Variants in GSAP observed in about 807,000 individuals in gnomAD.
The protein encoded by GSAP is gamma-secretase activating protein, also known as gamma-secretase-activating protein.
Under a neutral mutation model 131.7 loss-of-function variants are expected in GSAP, and 118 were observed. The observed-to-expected ratio is 0.90, with a 90% CI of 0.77 to 1.04. The LOEUF is 1.04. Ranked by LOEUF, GSAP falls within the 50% of genes least tolerant of loss-of-function variation. GSAP has a pLI of 0.00. For synonymous variants in GSAP, 381 were observed against 363.4 expected (o/e 1.05, Z -0.55); for missense variants, 1,019 against 1,013.2 (o/e 1.01, Z -0.08).
chr7:77,333,486 G>A (rs1312048380), intron 19 of GSAP, among the ~76,000 whole-genome samples: 2 of 152,118 alleles, frequency 1.3e-5, no homozygotes, highest in South Asian at 2.1e-4. Context: ...TTGGCTTGGG[G>A]TATGCCTGAG....
chr7:77,366,179 T>C (rs1005214358), intron 12 of GSAP, among the ~76,000 whole-genome samples: 1 of 152,174 alleles, frequency 6.6e-6, no homozygotes, highest in Non-Finnish European at 1.5e-5. Context: ...CTCCCAATTC[T>C]GTAGGTCGTT....
intron 5 of GSAP, among the ~76,000 whole-genome samples, chr7:77,389,306 T>G (rs1008887215): frequency 1.1e-4 from 16 of 149,696 alleles, no homozygotes; most frequent in Admixed American, 2.6e-4. Flanking sequence ...TATATATATT[T>G]TTTGTTTGTT....
At chr7:77,386,843 G>A (rs1229138477) in intron 6 of GSAP, among the ~76,000 whole-genome samples, 1 of 152,174 alleles carries the variant, frequency 6.6e-6, no homozygotes, top group Non-Finnish European at 1.5e-5. Flanking sequence ...TCACCACTCA[G>A]CATGTATCTG....
chr7:77,401,253 C>T (rs905763512), intron 3 of GSAP, among the ~76,000 whole-genome samples: 7 of 151,732 alleles, frequency 4.6e-5, no homozygotes, highest in Admixed American at 2.0e-4. Flanking sequence ...CGGAGTAAAC[C>T]CCAAACAGGC....
chr7:77,352,299 T>A (rs1399661464), intron 18 of GSAP, among the ~76,000 whole-genome samples: 1 of 152,254 alleles, frequency 6.6e-6, no homozygotes, highest in Non-Finnish European at 1.5e-5. Flanking sequence ...AATATCTAAA[T>A]AAGAAACATG....
intron 26 of GSAP, among the ~76,000 whole-genome samples, chr7:77,317,087 T>C (rs1004035336): frequency 1.3e-5 from 2 of 151,986 alleles, no homozygotes; most frequent in African/African-American, 4.8e-5. Flanking sequence ...AGCATGCACA[T>C]GCACACACAC....
chr7:77,412,659 G>T (rs1803481599), intron 1 of GSAP, among the ~76,000 whole-genome samples: 1 of 150,488 alleles, frequency 6.6e-6, no homozygotes, highest in Non-Finnish European at 1.5e-5. Context: ...AAAAAAATAG[G>T]AAAGTGGACA....
chr7:77,415,965 G>T, intron 1 of GSAP: 1 of 390,724 alleles, frequency 2.6e-6, no homozygotes, highest in Non-Finnish European at 4.6e-6. Context: ...AATTTCCGCG[G>T]GCCGGCAGCG....
intron 23 of GSAP, among the ~76,000 whole-genome samples, chr7:77,324,797 T>C (rs1377769109): frequency 6.6e-6 from 1 of 151,606 alleles, no homozygotes; most frequent in East Asian, 1.9e-4. Flanking sequence ...TAATGTTGCA[T>C]GTTTGTCGTG....
intron 1 of GSAP, among the ~76,000 whole-genome samples, chr7:77,409,966 C>T (rs1193579239): frequency 6.6e-6 from 1 of 152,078 alleles, no homozygotes; most frequent in African/African-American, 2.4e-5. Context: ...CAAGCCATAC[C>T]CAGGATATTC....
intron 19 of GSAP, chr7:77,330,881 T>C (rs1046874542): frequency 1.9e-5 from 19 of 977,974 alleles, no homozygotes; most frequent in African/African-American, 5.3e-5. Flanking sequence ...ATGAACTAAT[T>C]TTACATTGTC....
At chr7:77,328,176 C>A in intron 22 of GSAP, 3 of 987,966 alleles carry the variant, frequency 3.0e-6, no homozygotes, top group Non-Finnish European at 3.6e-6. Flanking sequence ...CTGGAAGCTC[C>A]TCATCTTTAT....
Position 77,314,467 on chromosome 7 carries a change from G to T in GSAP, c.2112C>A (p.Ile704=). ...GCAAAGGGAGACACTGGACCCCGAG[G>T]ATGGTGTGCAGAGTATGAAAACCTA... is the stretch of plus-strand genomic sequence containing the variant. ...LPPGFHTLHT[I]LGVQCLPLHN... The change falls in exon 27 of 31, where the codon ATC becomes ATA. Residue 704 remains isoleucine (I), a synonymous_variant. Transcript: ENST00000257626. 6.2e-7 allele frequency: 1 copy of T among 1,613,790 alleles called. No individual in the cohort carries two copies. The highest frequency in any genetic ancestry group is 8.5e-7 in the Non-Finnish European group (1 of 1,179,768).
intron 12 of GSAP, among the ~76,000 whole-genome samples, chr7:77,372,751 C>G (rs1033087223): frequency 3.3e-5 from 5 of 152,150 alleles, no homozygotes. Context: ...CAAAAAATAC[C>G]CTTCAATGAC....
chr7:77,379,231 T>C (rs559487905), intron 8 of GSAP, among the ~76,000 whole-genome samples: 2 of 152,202 alleles, frequency 1.3e-5, no homozygotes, highest in African/African-American at 2.4e-5. Flanking sequence ...CAAATCTCAG[T>C]TTTGTTCCTC....
At chr7:77,370,626 G>C (rs991881429) in intron 12 of GSAP, among the ~76,000 whole-genome samples, 5 of 152,150 alleles carry the variant, frequency 3.3e-5, no homozygotes, top group Non-Finnish European at 5.9e-5. Flanking sequence ...TATATGCTGT[G>C]AGCATTCAAA....
chr7:77,330,073 T>A, intron 20 of GSAP, 166 bp downstream of exon 20: 1 of 732,980 alleles, frequency 1.4e-6, no homozygotes, highest in Non-Finnish European at 2.1e-6. Flanking sequence ...AGAACAGAGA[T>A]CATAGAAGCA....
chr7:77,364,433 A>C lies in GSAP; in HGVS notation c.872-1773T>G, dbSNP rs1584503499. ...AAACTATCACAAGAACAAAAAACCA[A>C]ACACCGCATATTCTCACTCATAGGT... is the stretch of plus-strand genomic sequence containing the variant. On this transcript the variant is annotated intron_variant, in intron 12 of 30. Transcript: ENST00000257626. 3.3e-5 allele frequency among the ~76,000 whole-genome samples: 5 copies of C among 150,672 alleles called. No homozygotes were observed. The Middle Eastern group carries it at 0.01, about 310-fold the overall frequency.
At chr7:77,319,276 G>T (rs1436501824) in intron 26 of GSAP, among the ~76,000 whole-genome samples, 4 of 152,098 alleles carry the variant, frequency 2.6e-5, no homozygotes, top group Admixed American at 6.6e-5. Context: ...CAGACAAATG[G>T]CCAACACTTA....
Sources: allele counts gnomAD v4.1 joint callset (sites outside exome capture counted in the v4.1 genomes callset), GRCh38; gene constraint gnomAD v4.1.1; transcripts MANE v1.5; gene names NCBI Gene and HGNC (gene_info 2026-07-23, HGNC 2026-07-21).